The following GLI2 variants were observed in gnomAD, a reference collection of about 807,000 sequenced individuals.
The protein encoded by GLI2 is GLI family zinc finger 2.
Under a neutral mutation model 78.9 loss-of-function variants are expected in GLI2, and 22 were observed. That is an observed-to-expected ratio of 0.28 (90% CI 0.20 to 0.40). GLI2 has a LOEUF of 0.40. Among genes scored for constraint, GLI2 ranks in the 10% least tolerant of loss-of-function variants. The pLI is 1.00. For missense variants in GLI2, 2,097 were observed against 2,213.2 expected (o/e 0.95, Z 1.05); for synonymous variants, 974 against 963.7 (o/e 1.01, Z -0.20).
intron 2 of GLI2, among the ~76,000 whole-genome samples, chr2:120,818,747 C>G (rs993667358): frequency 3.3e-5 from 5 of 152,192 alleles, no homozygotes; most frequent in Non-Finnish European, 7.3e-5. Context: ...AGGCCAAATT[C>G]AGTAGTCAAT....
chr2:120,942,161 A>C (rs1014730490), intron 3 of GLI2, among the ~76,000 whole-genome samples: 1 of 152,168 alleles, frequency 6.6e-6, no homozygotes, highest in Non-Finnish European at 1.5e-5. Flanking sequence ...CATGCTTTCC[A>C]TGACGAGTTC....
Position 120,829,853 on chromosome 2 carries a change from G to A in GLI2, c.148+32385G>A, listed in dbSNP as rs1244140648. On this transcript the variant is annotated intron_variant, in intron 2 of 13. Transcript: ENST00000361492. Reference sequence around the variant, plus strand: ...CTGGGGGCACTCAGAGGGAAGTGCAGGGCTGAGTTCATGTAAGTTCTGCAA... The same window carrying A: ...CTGGGGGCACTCAGAGGGAAGTGCAAGGCTGAGTTCATGTAAGTTCTGCAA... Among the ~76,000 whole-genome samples the A allele has an allele frequency of 2.0e-5, 3 of 152,214 alleles. No homozygotes were observed. In the East Asian group the frequency reaches 5.8e-4, roughly 29 times the overall value.
At chr2:120,836,831 T>C (rs1259492192) in intron 2 of GLI2, among the ~76,000 whole-genome samples, 2 of 152,220 alleles carry the variant, frequency 1.3e-5, no homozygotes. Context: ...TACACACTTG[T>C]AGCTTTGTTA....
intron 2 of GLI2, among the ~76,000 whole-genome samples, chr2:120,856,402 C>A (rs547971207): frequency 2.3e-3 from 356 of 152,308 alleles, no homozygotes; most frequent in African/African-American, 7.1e-3. Context: ...GGAATCAGGC[C>A]TCCCATTTAT....
At chr2:120,917,995 T>C (rs189889089) in intron 2 of GLI2, among the ~76,000 whole-genome samples, 18 of 152,322 alleles carry the variant, frequency 1.2e-4, no homozygotes. Flanking sequence ...GATTAATTTA[T>C]AGAAGATCTT....
At chr2:120,793,205 G>A (rs1558798611) in intron 1 of GLI2, among the ~76,000 whole-genome samples, 1 of 152,242 alleles carries the variant, frequency 6.6e-6, no homozygotes, top group Non-Finnish European at 1.5e-5. Context: ...GGTCCCGGGT[G>A]CCCGCTCCCA....
chr2:120,982,911 A>T, intron 11 of GLI2, 31 bp downstream of exon 11: 7 of 1,606,424 alleles, frequency 4.4e-6, no homozygotes, highest in Non-Finnish European at 6.0e-6. Flanking sequence ...CTGGGCATGC[A>T]CACTGGGGCC....
At chr2:120,905,485 G>A (rs1678478717) in intron 2 of GLI2, among the ~76,000 whole-genome samples, 2 of 152,198 alleles carry the variant, frequency 1.3e-5, no homozygotes, top group Non-Finnish European at 2.9e-5. Context: ...GAGAGGTTGG[G>A]TGATCTGCCC....
Position 120,989,140 on chromosome 2 carries a change from G to C in GLI2, c.3175G>C (p.Gly1059Arg). The C allele has an allele frequency of 1.2e-6, 2 of 1,613,070 alleles. No individual in the cohort carries two copies. ...VVQYIKAHAS[G>R]ALDEGTGQVY... Reference sequence around the variant, plus strand: ...GCAGTACATCAAGGCGCACGCCAGTGGCGCTCTGGACGAGGGCACCGGGCA... The same window carrying C: ...GCAGTACATCAAGGCGCACGCCAGTCGCGCTCTGGACGAGGGCACCGGGCA... The change falls in exon 14 of 14, where the codon GGC (glycine) becomes CGC (arginine). Residue 1059 changes from glycine to arginine, a missense_variant. By Grantham distance (125) the Gly-to-Arg change is moderately radical. Coordinates refer to ENST00000361492, the MANE Select transcript of GLI2 (RefSeq NM_001374353.1).
chr2:120,756,900 G>T (rs1380583995), intron 1 of GLI2, among the ~76,000 whole-genome samples: 2 of 152,168 alleles, frequency 1.3e-5, no homozygotes, highest in East Asian at 1.9e-4. Context: ...TGTATATTAG[G>T]CAGCTTGAAG....
chr2:120,845,864 A>G (rs1411713047), intron 2 of GLI2, among the ~76,000 whole-genome samples: 6 of 152,226 alleles, frequency 3.9e-5, no homozygotes, highest in Admixed American at 2.6e-4. Flanking sequence ...CCTAATTGCC[A>G]GGCATCAGAC....
chr2:120,859,449 CTCCTTTTTT>C (rs1274762857), intron 2 of GLI2, among the ~76,000 whole-genome samples: 4 of 135,296 alleles, frequency 3.0e-5, no homozygotes, highest in Non-Finnish European at 6.2e-5. Context: ...CAGATACTCC[CTCCTTTTTT>C]TTTTTTTTTT....
intron 2 of GLI2, among the ~76,000 whole-genome samples, chr2:120,861,989 C>T (rs990538608): frequency 6.6e-6 from 1 of 152,156 alleles, no homozygotes; most frequent in South Asian, 2.1e-4. Flanking sequence ...GTGAACCACC[C>T]CAGATGGGGA....
chr2:120,915,916 CG>C (rs1679075240), intron 2 of GLI2, among the ~76,000 whole-genome samples: 4 of 152,192 alleles, frequency 2.6e-5, no homozygotes, highest in Admixed American at 2.6e-4. Context: ...CCCCCACTCC[CG>C]CCTCTCTGAT....
chr2:120,833,889 C>T (rs937791751), intron 2 of GLI2, among the ~76,000 whole-genome samples: 1 of 152,222 alleles, frequency 6.6e-6, no homozygotes, highest in Non-Finnish European at 1.5e-5. Context: ...TCTTCAAAGT[C>T]ATCTTAGTGC....
At chr2:120,901,575 A>C (rs1678258196) in intron 2 of GLI2, among the ~76,000 whole-genome samples, 1 of 152,212 alleles carries the variant, frequency 6.6e-6, no homozygotes. Context: ...TTCATAGACC[A>C]CTAGGAGAAA....
chr2:120,916,418 T>C (rs1327587216), intron 2 of GLI2, among the ~76,000 whole-genome samples: 1 of 152,228 alleles, frequency 6.6e-6, no homozygotes, highest in Non-Finnish European at 1.5e-5. Flanking sequence ...ATCCTCCCCC[T>C]TCCTTCTGGC....
At chr2:120,901,460 G>T (rs1025703630) in intron 2 of GLI2, among the ~76,000 whole-genome samples, 1 of 152,188 alleles carries the variant, frequency 6.6e-6, no homozygotes, top group African/African-American at 2.4e-5. Flanking sequence ...GCCTCTGGTG[G>T]AGAGGCGGCT....
intron 9 of GLI2, among the ~76,000 whole-genome samples, chr2:120,976,415 G>T (rs1416171323): frequency 6.6e-6 from 1 of 152,244 alleles, no homozygotes; most frequent in African/African-American, 2.4e-5. Context: ...GCAAACGAAT[G>T]CAGCTGGTGA....
Sources: gnomAD v4.1 joint callset for allele counts (sites outside exome capture counted in the v4.1 genomes callset) on GRCh38, gnomAD v4.1.1 for gene constraint, MANE v1.5 for transcripts, NCBI Gene and HGNC (gene_info 2026-07-23, HGNC 2026-07-21) for gene names.